Variants in SAMD11 observed in about 807,000 individuals in gnomAD.
The protein encoded by SAMD11 is sterile alpha motif domain-containing protein 11.
In SAMD11, 77 loss-of-function variants were observed where a neutral mutation model predicts 64.4. That is an observed-to-expected ratio of 1.20 (90% CI 0.99 to 1.44). The LOEUF is 1.44. SAMD11 is among the 40% of genes most tolerant of loss of function. SAMD11 has a pLI of 0.00. For missense variants in SAMD11, 1,402 were observed against 943.3 expected, an observed-to-expected ratio of 1.49 and a Z score of -6.37; for synonymous variants, 658 against 421.9, an observed-to-expected ratio of 1.56 and a Z score of -6.86.
At chr1:928,310 T>G (rs1478248088) in intron 2 of SAMD11, among the ~76,000 whole-genome samples, 2 of 152,310 alleles carry the variant, frequency 1.3e-5, no homozygotes, top group Middle Eastern at 3.4e-3. Context: ...GAGAATGGCA[T>G]GAACCCGGGA....
intron 4 of SAMD11, among the ~76,000 whole-genome samples, chr1:933,153 G>A (rs190681698): frequency 3.6e-4 from 55 of 152,348 alleles, no homozygotes; most frequent in African/African-American, 1.3e-3. Flanking sequence ...GGGTGCAGAG[G>A]GCATTCTGTG....
intron 2 of SAMD11, among the ~76,000 whole-genome samples, chr1:926,557 C>T (rs1253589822): frequency 6.6e-6 from 1 of 152,192 alleles, no homozygotes; most frequent in African/African-American, 2.4e-5. Flanking sequence ...AGAGTCTTTG[C>T]AGTGTGGGCC....
chr1:929,616 T>TA (rs1262661973), intron 2 of SAMD11, among the ~76,000 whole-genome samples: 1 of 152,118 alleles, frequency 6.6e-6, no homozygotes, highest in Non-Finnish European at 1.5e-5. Flanking sequence ...GGCAGGCAGA[T>TA]ACACGGAGGG....
rs1202840886 is a variant in SAMD11 at position 935,754 on chromosome 1, C to G, written c.843-18C>G. 6.2e-7 allele frequency: 1 copy of G among 1,613,042 alleles called. No homozygotes were observed. Among genetic ancestry groups the G allele is most frequent in the Non-Finnish European group, 8.5e-7 (1 of 1,179,616 alleles). On this transcript the variant is annotated intron_variant, in intron 4 of 13. Transcript: ENST00000616016. Reference sequence around the variant, plus strand: ...GCAGCTGCCCACGGGGTCAGCTTTTCCCGGTCTCGTTCTGCAGCCAGGACG... The same window carrying G: ...GCAGCTGCCCACGGGGTCAGCTTTTGCCGGTCTCGTTCTGCAGCCAGGACG...
chr1:942,133 C>G lies in SAMD11; in HGVS notation c.1359-3C>G. ...ACGCCGCTCATTGCGCTGCCGTCCA[C>G]AGGGAGCTGCCTCAGCCGCCCCCCT... On this transcript the variant is annotated splice_region_variant and splice_polypyrimidine_tract_variant and intron_variant, in intron 8 of 13. Coordinates refer to ENST00000616016, the MANE Select transcript of SAMD11 (RefSeq NM_001385641.1). The G allele has an allele frequency of 7.7e-7, 1 of 1,296,656 alleles. No homozygotes were observed. The highest frequency in any genetic ancestry group is 1.0e-6 in the Non-Finnish European group (1 of 965,094). The allele number at this position is 1,296,656 out of a possible 1,614,324, so 80.3% of individuals were successfully genotyped here. A position where few individuals can be genotyped will look rare whatever the true frequency, so the allele number is the denominator to read the frequency against.
Position 943,235 on chromosome 1 carries a change from A to G in SAMD11, c.2054-18A>G. On this transcript the variant is annotated intron_variant, in intron 11 of 13. Coordinates refer to ENST00000616016, the MANE Select transcript of SAMD11 (RefSeq NM_001385641.1). ...GGGAAAGCCAGCCAGAGCCCTAGTA[A>G]CACGCCCCACAACTCAGGCGCGGTA... 6.2e-7 allele frequency: 1 copy of G among 1,612,582 alleles called. No individual in the cohort carries two copies. Among genetic ancestry groups the G allele is most frequent in the Non-Finnish European group, 8.5e-7 (1 of 1,179,728 alleles).
intron 4 of SAMD11, among the ~76,000 whole-genome samples, chr1:934,145 G>T (rs868104159): frequency 0.17 from 8 of 46 alleles, no homozygotes; most frequent in Non-Finnish European, 0.5. Flanking sequence ...GTTACAGGTG[G>T]GCAGGGGAGG....
intron 4 of SAMD11, among the ~76,000 whole-genome samples, chr1:933,297 A>G (rs1448191601): frequency 6.6e-6 from 1 of 152,186 alleles, no homozygotes; most frequent in Non-Finnish European, 1.5e-5. Flanking sequence ...ACAGGTTTTC[A>G]GGGGCCGGGC....
intron 5 of SAMD11, among the ~76,000 whole-genome samples, chr1:937,749 C>T (rs1324555270): frequency 6.6e-6 from 1 of 152,200 alleles, no homozygotes; most frequent in African/African-American, 2.4e-5. Context: ...AGGTGGGGAC[C>T]CTGGACCAGA....
chr1:939,075 C>G lies in SAMD11; in HGVS notation c.1003C>G (p.Arg335Gly), dbSNP rs575274130. 5 of 1,605,892 alleles carry G rather than the reference C, an allele frequency of 3.1e-6. No individual in the cohort carries two copies. In the African/African-American group the frequency reaches 4.0e-5, roughly 13 times the overall value. Residue 335 changes from arginine to glycine, a missense_variant, in exon 6 of 14, where the codon CGT becomes GGT. Transcript: ENST00000616016. ...LLGKRLGRSP[R>G]ISSDCFSEKR... ...GGGCAAGAGGCTGGGCCGCTCCCCC[C>G]GTATCAGCAGCGACTGCTTTTCAGA...
intron 2 of SAMD11, among the ~76,000 whole-genome samples, chr1:929,014 C>G (rs947099413): frequency 1.3e-5 from 2 of 152,178 alleles, no homozygotes; most frequent in African/African-American, 4.8e-5. Context: ...GTTAGACGCT[C>G]TCAAGGGCTC....
At position 936,016 on chromosome 1, in the gene SAMD11, C is replaced by T. The variant is rs1273897670; in HGVS notation, c.967+120C>T. On this transcript the variant is annotated intron_variant, in intron 5 of 13. Coordinates refer to ENST00000616016, the MANE Select transcript of SAMD11 (RefSeq NM_001385641.1). ...CAGAGAGGCAGGAGGAGCGGCCTGT[C>T]CCCCAGGGGCTGCATGGGATGGTAA... 5.1e-5 allele frequency: 52 copies of T among 1,026,138 alleles called. No individual in the cohort carries two copies. The Admixed American group carries it at 1.1e-3, about 22-fold the overall frequency. 63.6% of individuals were successfully genotyped at this position (1,026,138 alleles called of 1,614,324 possible).
chr1:941,480 C>T (rs1406445925), intron 8 of SAMD11, among the ~76,000 whole-genome samples, 174 bp downstream of exon 8: 3 of 151,916 alleles, frequency 2.0e-5, no homozygotes, highest in Non-Finnish European at 4.4e-5. Flanking sequence ...TTGAGGGCGC[C>T]ACTGGGGTGC....
intron 5 of SAMD11, 76 bp from the exon 6 acceptor site, chr1:938,964 A>G: frequency 1.5e-6 from 2 of 1,328,238 alleles, no homozygotes; most frequent in Non-Finnish European, 2.1e-6. Context: ...GGTGCGGTCC[A>G]GGCTGAGCTG....
At chr1:943,403 GC>G (rs755997581) in intron 12 of SAMD11, 26 bp downstream of exon 12, 4 of 1,507,998 alleles carry the variant, frequency 2.7e-6, no homozygotes, top group Non-Finnish European at 3.6e-6. Flanking sequence ...AGTTCCTGGG[GC>G]GGGGCTGGAG....
chr1:931,060 G>C lies in SAMD11; in HGVS notation c.813G>C (p.Val271=), dbSNP rs758727344. The C allele has an allele frequency of 9.3e-6, 15 of 1,612,910 alleles. No homozygotes were observed. The highest frequency in any genetic ancestry group is 1.3e-5 in the Non-Finnish European group (15 of 1,179,700). Reference sequence around the variant, plus strand: ...GCAGAGTCCACACCCACTGGGACGTGAACATCTCTTTCCGAGAGGCGTCCT... The same window carrying C: ...GCAGAGTCCACACCCACTGGGACGTCAACATCTCTTTCCGAGAGGCGTCCT... ...MKRRVHTHWD[V]NISFREASCS... is the part of the protein sequence containing the mutation. The change falls in exon 4 of 14, where the codon GTG becomes GTC. Residue 271 remains valine (V), a synonymous_variant. Coordinates refer to ENST00000616016, the MANE Select transcript of SAMD11 (RefSeq NM_001385641.1).
intron 2 of SAMD11, among the ~76,000 whole-genome samples, 162 bp from the exon 3 acceptor site, chr1:929,993 C>A (rs902375010): frequency 2.0e-5 from 3 of 152,198 alleles, no homozygotes; most frequent in Non-Finnish European, 4.4e-5. Context: ...GGGAGGATGG[C>A]TGCTCTGAGG....
At chr1:932,089 G>A (rs1022179790) in intron 4 of SAMD11, among the ~76,000 whole-genome samples, 3 of 152,222 alleles carry the variant, frequency 2.0e-5, no homozygotes, top group Non-Finnish European at 2.9e-5. Context: ...TCTCAGAGCC[G>A]AATTACAATA....
chr1:943,486 C>A, intron 12 of SAMD11, 109 bp downstream of exon 12: 1 of 1,085,152 alleles, frequency 9.2e-7, no homozygotes, highest in Non-Finnish European at 1.3e-6. Context: ...TCTCCCTCCC[C>A]AAAAGCAGTG....
Sources: gnomAD v4.1 joint callset for allele counts (sites outside exome capture counted in the v4.1 genomes callset) on GRCh38, gnomAD v4.1.1 for gene constraint, MANE v1.5 for transcripts, NCBI Gene and HGNC (gene_info 2026-07-23, HGNC 2026-07-21) for gene names.